VPS54: variants seen among roughly 807,000 people sequenced by gnomAD.
The protein encoded by VPS54 is VPS54 subunit of GARP complex, also known as vacuolar protein sorting-associated protein 54.
VPS54 carries 45 observed loss-of-function variants against 121.5 expected under a neutral mutation model. That is an observed-to-expected ratio of 0.37 (90% CI 0.29 to 0.47). The LOEUF (loss-of-function observed/expected upper bound fraction) is 0.47. VPS54 is among the 20% of genes least tolerant of loss of function. The pLI, the probability that VPS54 is intolerant of heterozygous loss-of-function variation, is 0.99. For synonymous variants in VPS54, 371 were observed against 385.8 expected, an observed-to-expected ratio of 0.96 and a Z score of 0.45; for missense variants, 1,090 against 1,131.4, an observed-to-expected ratio of 0.96 and a Z score of 0.52.
chr2:64,015,974 T>A (rs1483454548), intron 1 of VPS54, among the ~76,000 whole-genome samples: 5 of 152,144 alleles, frequency 3.3e-5, no homozygotes, highest in Admixed American at 2.0e-4. Context: ...TATACAAGAA[T>A]CTAAACAATT....
At chr2:63,994,309 T>G (rs1225921461) in intron 1 of VPS54, among the ~76,000 whole-genome samples, 1 of 152,252 alleles carries the variant, frequency 6.6e-6, no homozygotes, top group Non-Finnish European at 1.5e-5. Flanking sequence ...TTTTATTTAA[T>G]GATTCCCCTC....
chr2:63,906,581 A>G (rs1479474223), intron 20 of VPS54, among the ~76,000 whole-genome samples: 1 of 152,196 alleles, frequency 6.6e-6, no homozygotes, highest in Non-Finnish European at 1.5e-5. Flanking sequence ...GGGGAAAAGC[A>G]CTGGTTTGTA....
chr2:63,900,595 T>C (rs1429790298), intron 20 of VPS54, among the ~76,000 whole-genome samples: 1 of 152,132 alleles, frequency 6.6e-6, no homozygotes, highest in African/African-American at 2.4e-5. Flanking sequence ...TTCCAAAAAG[T>C]GGACAAGGAA....
At chr2:63,963,083 G>C (rs1675840759) in intron 6 of VPS54, among the ~76,000 whole-genome samples, 1 of 151,996 alleles carries the variant, frequency 6.6e-6, no homozygotes, top group African/African-American at 2.4e-5. Flanking sequence ...AATAATCCAA[G>C]ATAGACTGAT....
chr2:64,001,586 G>C (rs1677883188), intron 1 of VPS54, among the ~76,000 whole-genome samples: 2 of 152,026 alleles, frequency 1.3e-5, no homozygotes, highest in South Asian at 2.1e-4. Flanking sequence ...GCACAGGATG[G>C]ATCCTGCCAG....
chr2:63,976,825 C>CT (rs1174931536), intron 3 of VPS54, among the ~76,000 whole-genome samples: 36,089 of 89,616 alleles, frequency 0.4, 7,611 homozygotes, highest in African/African-American at 0.53. Context: ...TATATCTTCT[C>CT]TTTTTTTTTT....
At chr2:63,996,014 T>C (rs1363755112) in intron 1 of VPS54, among the ~76,000 whole-genome samples, 1 of 152,200 alleles carries the variant, frequency 6.6e-6, no homozygotes, top group Non-Finnish European at 1.5e-5. Flanking sequence ...CGGAATTATG[T>C]TTCCCTGTTT....
chr2:64,013,631 T>A (rs911953338), intron 1 of VPS54, among the ~76,000 whole-genome samples: 1 of 145,900 alleles, frequency 6.9e-6, no homozygotes, highest in Admixed American at 6.9e-5. Flanking sequence ...CATTTATATA[T>A]AAATATATAT....
chr2:63,989,101 G>A (rs573811143), intron 1 of VPS54, among the ~76,000 whole-genome samples: 8 of 152,270 alleles, frequency 5.3e-5, no homozygotes, highest in Admixed American at 1.3e-4. Context: ...GCACCCCCAG[G>A]CTTATTAGGA....
At chr2:63,983,099 T>C (rs1006866405) in intron 2 of VPS54, among the ~76,000 whole-genome samples, 3 of 152,034 alleles carry the variant, frequency 2.0e-5, no homozygotes, top group Non-Finnish European at 4.4e-5. Context: ...TTTATATAAG[T>C]AATGCATGAA....
chr2:63,991,108 C>T (rs1294813101), intron 1 of VPS54, among the ~76,000 whole-genome samples: 1 of 152,226 alleles, frequency 6.6e-6, no homozygotes, highest in African/African-American at 2.4e-5. Flanking sequence ...TACTTATGCC[C>T]AATTAAACTT....
At chr2:63,931,780 A>G (rs544983118) in intron 12 of VPS54, among the ~76,000 whole-genome samples, 40 of 152,358 alleles carry the variant, frequency 2.6e-4, no homozygotes, top group Admixed American at 1.1e-3. Flanking sequence ...AATATCCAGA[A>G]TCTACAAAGA....
intron 12 of VPS54, among the ~76,000 whole-genome samples, chr2:63,932,686 A>C (rs1033625232): frequency 6.6e-5 from 10 of 152,016 alleles, no homozygotes; most frequent in Admixed American, 6.6e-4. Context: ...AGTAATAATA[A>C]AGTACTGAGT....
At chr2:63,912,786 G>T (rs746650701) in intron 18 of VPS54, 125 bp from the exon 19 acceptor site, 3 of 1,218,326 alleles carry the variant, frequency 2.5e-6, no homozygotes, top group Non-Finnish European at 3.3e-6. Flanking sequence ...TTTCATAAAC[G>T]AAGAGCCCTA....
chr2:63,926,083 A>G (rs887243261), intron 12 of VPS54, among the ~76,000 whole-genome samples: 12 of 152,240 alleles, frequency 7.9e-5, no homozygotes, highest in Non-Finnish European at 1.5e-4. Context: ...TAAAATGTTT[A>G]ACAAGCAAAA....
intron 7 of VPS54, among the ~76,000 whole-genome samples, chr2:63,952,342 A>G (rs956201385): frequency 1.3e-5 from 2 of 152,208 alleles, no homozygotes; most frequent in Non-Finnish European, 2.9e-5. Flanking sequence ...AATGGAAAAT[A>G]TGTTTATATC....
chr2:63,929,878 C>A (rs1266844508), intron 12 of VPS54, among the ~76,000 whole-genome samples: 2 of 152,034 alleles, frequency 1.3e-5, no homozygotes, highest in Non-Finnish European at 2.9e-5. Context: ...GAGAATACTA[C>A]AAACACCTCT....
chr2:63,973,719 T>C (rs1676391827), intron 3 of VPS54, among the ~76,000 whole-genome samples: 1 of 152,120 alleles, frequency 6.6e-6, no homozygotes. Context: ...TTTTCTAATT[T>C]TTTCTTGTAC....
At chr2:63,976,935 T>G (rs1372352325) in intron 3 of VPS54, among the ~76,000 whole-genome samples, 1 of 151,204 alleles carries the variant, frequency 6.6e-6, no homozygotes, top group Non-Finnish European at 1.5e-5. Flanking sequence ...TTCACGTGAT[T>G]CTCTTGCCTC....
Sources: gnomAD v4.1 joint callset for allele counts (sites outside exome capture counted in the v4.1 genomes callset) on GRCh38, gnomAD v4.1.1 for gene constraint, MANE v1.5 for transcripts, NCBI Gene and HGNC (gene_info 2026-07-23, HGNC 2026-07-21) for gene names.